NAV3: variants seen among roughly 807,000 people sequenced by gnomAD.
NAV3 encodes pore membrane and/or filament interacting like protein 1.
NAV3 carries 87 observed loss-of-function variants against 244.7 expected under a neutral mutation model. That is an observed-to-expected ratio of 0.36 (90% CI 0.30 to 0.42). NAV3 has a LOEUF of 0.42. NAV3 is among the 20% of genes least tolerant of loss of function. NAV3 has a pLI of 1.00. For synonymous variants in NAV3, 1,126 were observed against 1,042.2 expected (o/e 1.08, Z -1.55); for missense variants, 2,663 against 2,893.3 (o/e 0.92, Z 1.83).
chr12:77,986,297 G>T (rs192907837), intron 5 of NAV3, among the ~76,000 whole-genome samples: 3 of 152,298 alleles, frequency 2.0e-5, no homozygotes, highest in Admixed American at 2.0e-4. Flanking sequence ...GAGAGGTGGA[G>T]GTTGCAGTGA....
rs564170318 is a variant in NAV3 at position 78,127,509 on chromosome 12, T to TC, written c.4280+304dup. 9.3e-4 allele frequency among the ~76,000 whole-genome samples: 142 copies of TC among 152,250 alleles called. 1 individual carries two copies. The highest frequency in any genetic ancestry group is 3.3e-3 in the African/African-American group (139 of 41,568). ...CAAAAACAAACAAACAAAAAACTTG[T>TC]CCCAGGCATTACTTTTTTGGGGGCA... On this transcript the variant is annotated intron_variant, in intron 17 of 39. Coordinates refer to ENST00000397909, the MANE Select transcript of NAV3 (RefSeq NM_001024383.2).
At position 78,137,207 on chromosome 12, in the gene NAV3, T is replaced by C. The variant is rs960632876; in HGVS notation, c.4472T>C (p.Leu1491Pro). ...VSPTNLSQFN[L>P]PGPSMMRSNS... The stretch of plus-strand genomic sequence containing the variant: ...CCAACAAATTTGTCTCAGTTTAACC[T>C]TCCCGGGCCCAGCATGATGCGCTCA... Residue 1491 changes from leucine (L) to proline (P), a missense_variant, in exon 19 of 40, where the codon CTT (leucine) becomes CCT (proline). By Grantham distance (98) the Leu-to-Pro change is moderately conservative. This residue lies in a region of NAV3 where 354 missense variants were observed against 413.0 expected (regional missense o/e 0.86). Coordinates refer to ENST00000397909, the MANE Select transcript of NAV3 (RefSeq NM_001024383.2). 1.2e-6 allele frequency: 2 copies of C among 1,612,754 alleles called. No individual in the cohort carries two copies. Among genetic ancestry groups the C allele is most frequent in the African/African-American group, 2.7e-5 (2 of 74,832 alleles).
At chr12:78,123,144 G>A (rs1048851293) in intron 16 of NAV3, among the ~76,000 whole-genome samples, 9 of 152,082 alleles carry the variant, frequency 5.9e-5, no homozygotes, top group Admixed American at 5.9e-4. Context: ...TCCTCAAAGT[G>A]ATCCTCTCTT....
chr12:78,025,540 G>A (rs1198351774), intron 9 of NAV3, among the ~76,000 whole-genome samples: 1 of 133,230 alleles, frequency 7.5e-6, no homozygotes, highest in Non-Finnish European at 1.5e-5. Flanking sequence ...AGATTGCAGT[G>A]AGTCAAGATC....
chr12:77,964,871 T>C (rs1458306970), intron 3 of NAV3, among the ~76,000 whole-genome samples: 1 of 152,170 alleles, frequency 6.6e-6, no homozygotes, highest in African/African-American at 2.4e-5. Flanking sequence ...CATATCATTG[T>C]ATATTATCAA....
At chr12:77,807,442 T>A (rs1872040405) in intron 2 of NAV3, among the ~76,000 whole-genome samples, 1 of 152,218 alleles carries the variant, frequency 6.6e-6, no homozygotes, top group Non-Finnish European at 1.5e-5. Context: ...TGAAGCTTAG[T>A]TTGGCTGGAT....
At chr12:78,063,006 A>G (rs1186803032) in intron 12 of NAV3, among the ~76,000 whole-genome samples, 2 of 152,152 alleles carry the variant, frequency 1.3e-5, no homozygotes, top group Non-Finnish European at 2.9e-5. Flanking sequence ...ATAGCAATGG[A>G]CTTGAATTGT....
At chr12:77,990,669 C>G (rs1871294599) in intron 5 of NAV3, among the ~76,000 whole-genome samples, 1 of 152,156 alleles carries the variant, frequency 6.6e-6, no homozygotes, top group Non-Finnish European at 1.5e-5. Flanking sequence ...TGCTTAGTTT[C>G]ATTTAACATC....
chr12:78,153,479 C>T (rs1388306832), intron 22 of NAV3, among the ~76,000 whole-genome samples: 1 of 152,064 alleles, frequency 6.6e-6, no homozygotes, highest in Non-Finnish European at 1.5e-5. Context: ...AAAACAGAAG[C>T]CGCACAAGGA....
intron 2 of NAV3, among the ~76,000 whole-genome samples, chr12:77,659,729 G>T (rs1421959070): frequency 6.6e-5 from 10 of 152,152 alleles, no homozygotes; most frequent in African/African-American, 2.4e-4. Context: ...AACAATGTTA[G>T]ACTGGATTAA....
chr12:78,146,366 C>T lies in NAV3; in HGVS notation c.4684-3C>T. 1 of 1,093,908 alleles carries T rather than the reference C, an allele frequency of 9.1e-7. No individual in the cohort carries two copies. The highest frequency in any genetic ancestry group is 1.3e-6 in the Non-Finnish European group (1 of 786,908). 67.8% of individuals were successfully genotyped at this position (1,093,908 alleles called of 1,614,324 possible). A position where few individuals can be genotyped will look rare whatever the true frequency, so the allele number is the denominator to read the frequency against. On this transcript the variant is annotated splice_region_variant and splice_polypyrimidine_tract_variant and intron_variant, in intron 20 of 39. Transcript: ENST00000397909. Reference sequence around the variant, plus strand: ...TAAAGTCTTTCTTTTTATTGTTTTACAGGCTGAAGAAAAGGCTCATTCAGA... The same window carrying T: ...TAAAGTCTTTCTTTTTATTGTTTTATAGGCTGAAGAAAAGGCTCATTCAGA...
intron 28 of NAV3, among the ~76,000 whole-genome samples, chr12:78,178,438 G>T (rs1389564338): frequency 6.6e-6 from 1 of 152,028 alleles, no homozygotes; most frequent in Non-Finnish European, 1.5e-5. Flanking sequence ...TGGGATTACA[G>T]GTGCGAGCCA....
chr12:77,647,067 T>C (rs201937778), intron 2 of NAV3, among the ~76,000 whole-genome samples: 4,715 of 149,736 alleles, frequency 0.031, 75 homozygotes, highest in Middle Eastern at 0.085. Flanking sequence ...CATATATATA[T>C]ACACACACAC....
At chr12:77,814,981 A>G (rs1228641290) in intron 2 of NAV3, among the ~76,000 whole-genome samples, 1 of 152,142 alleles carries the variant, frequency 6.6e-6, no homozygotes, top group Non-Finnish European at 1.5e-5. Flanking sequence ...CTGTTCATGG[A>G]GGAATCTTGG....
chr12:77,945,405 T>C (rs1046928915), intron 3 of NAV3, among the ~76,000 whole-genome samples: 1 of 152,152 alleles, frequency 6.6e-6, no homozygotes, highest in Non-Finnish European at 1.5e-5. Context: ...AAAGTATGTA[T>C]GTAACATATT....
At chr12:77,897,891 C>A (rs1884812413) in intron 1 of NAV3, among the ~76,000 whole-genome samples, 1 of 152,142 alleles carries the variant, frequency 6.6e-6, no homozygotes, top group African/African-American at 2.4e-5. Context: ...AACTTCCAAT[C>A]TCATAGTCTT....
At chr12:78,012,321 C>G (rs1166166151) in intron 8 of NAV3, among the ~76,000 whole-genome samples, 2 of 152,160 alleles carry the variant, frequency 1.3e-5, no homozygotes, top group African/African-American at 4.8e-5. Context: ...CCAGCTTCCA[C>G]TCTGGGCTCT....
upstream of NAV3, among the ~76,000 whole-genome samples, chr12:77,829,710 C>T (rs1449397624): frequency 1.3e-5 from 2 of 152,154 alleles, no homozygotes; most frequent in African/African-American, 4.8e-5. Context: ...TTAAAGCCTG[C>T]AAGACTTCTA....
chr12:77,755,583 C>CTTTCCTTTCCTTTCCTT (rs770337739), intron 2 of NAV3, among the ~76,000 whole-genome samples: 5 of 25,166 alleles, frequency 2.0e-4, no homozygotes, highest in Admixed American at 7.0e-4. Flanking sequence ...CTTTCCTTTC[C>CTTTCCTTTCCTTTCCTT]TCCCTCCCTC....
Sources: allele counts gnomAD v4.1 joint callset (sites outside exome capture counted in the v4.1 genomes callset), GRCh38; gene constraint gnomAD v4.1.1; regional missense constraint gnomAD v4.1.1; transcripts MANE v1.5; gene names NCBI Gene and HGNC (gene_info 2026-07-23, HGNC 2026-07-21).